The following PALLD variants were observed in gnomAD, a reference collection of about 807,000 sequenced individuals.
PALLD encodes the protein palladin, cytoskeletal associated protein.
In PALLD, 61 loss-of-function variants were observed where a neutral mutation model predicts 123.5. The ratio of observed to expected loss-of-function variants is 0.49; its 90% CI spans 0.40 to 0.61. The LOEUF is 0.61. PALLD is among the 20% of genes least tolerant of loss of function. PALLD has a pLI of 0.00. For synonymous variants in PALLD, 465 were observed against 496.4 expected (o/e 0.94, Z 0.84); for missense variants, 1,273 against 1,377.0 (o/e 0.92, Z 1.20).
At chr4:168,648,347 A>G (rs746458966) in intron 2 of PALLD, 5 of 152,180 alleles carry the variant, frequency 3.3e-5, no homozygotes, top group Admixed American at 1.3e-4. Context: ...GTAGAAATCT[A>G]TGGCATAATG....
intron 10 of PALLD, among the ~76,000 whole-genome samples, chr4:168,713,035 CTTAAG>C (rs1425882709): frequency 6.6e-6 from 1 of 152,072 alleles, no homozygotes. Flanking sequence ...AAAAGAATAC[CTTAAG>C]TTAAGAAATG....
chr4:168,704,051 C>T (rs539782926), intron 8 of PALLD, among the ~76,000 whole-genome samples: 199 of 152,122 alleles, frequency 1.3e-3, no homozygotes, highest in African/African-American at 3.7e-3. Flanking sequence ...ATCAATGGAA[C>T]AGAACAGAGC....
In PALLD at chr4:168,579,491, A is replaced by T. The variant is rs1770002201; in HGVS notation, c.908+67079A>T. On this transcript the variant is annotated intron_variant, in intron 2 of 21. Coordinates refer to ENST00000505667, the MANE Select transcript of PALLD (RefSeq NM_001166108.2). The stretch of plus-strand genomic sequence containing the variant: ...TAGCTATGCAATACAGCGCACAAAT[A>T]TGTATAAATCAACATATATCTAGTT... Among the ~76,000 whole-genome samples, 4 of 152,190 alleles carry T rather than the reference A, an allele frequency of 2.6e-5. No individual in the cohort carries two copies. The South Asian group carries it at 8.3e-4, about 32-fold the overall frequency.
intron 10 of PALLD, among the ~76,000 whole-genome samples, chr4:168,815,971 A>G (rs1431878971): frequency 2.0e-5 from 3 of 152,198 alleles, no homozygotes; most frequent in Non-Finnish European, 2.9e-5. Context: ...AGAGGATTAA[A>G]ACCTTGAAAA....
intron 10 of PALLD, among the ~76,000 whole-genome samples, chr4:168,822,936 A>G (rs936242219): frequency 1.3e-5 from 2 of 152,208 alleles, no homozygotes; most frequent in East Asian, 1.9e-4. Flanking sequence ...TAATGAAAGA[A>G]AAGTGTCAAA....
chr4:168,904,689 G>C (rs988965737), intron 15 of PALLD, among the ~76,000 whole-genome samples: 1 of 152,012 alleles, frequency 6.6e-6, no homozygotes, highest in Non-Finnish European at 1.5e-5. Flanking sequence ...AAAAAAAAAG[G>C]CATGGTAAAA....
chr4:168,707,902 A>G (rs1784377320), intron 8 of PALLD, among the ~76,000 whole-genome samples: 4 of 152,218 alleles, frequency 2.6e-5, no homozygotes, highest in Admixed American at 2.0e-4. Context: ...TTCAACTAGT[A>G]AAACTAATTA....
intron 2 of PALLD, among the ~76,000 whole-genome samples, chr4:168,521,587 C>G (rs984433930): frequency 6.6e-6 from 1 of 152,188 alleles, no homozygotes; most frequent in Non-Finnish European, 1.5e-5. Context: ...ATAAACTCCC[C>G]GCACTCTACC....
chr4:168,593,016 C>G (rs1561283320), intron 2 of PALLD, among the ~76,000 whole-genome samples: 1 of 147,556 alleles, frequency 6.8e-6, no homozygotes, highest in Non-Finnish European at 1.5e-5. Context: ...TTGCCTCTTC[C>G]TTTAAAAAAA....
intron 1 of PALLD, chr4:168,506,082 CATGTCAA>C (rs938397750): frequency 6.6e-6 from 1 of 152,250 alleles, no homozygotes; most frequent in African/African-American, 2.4e-5. Context: ...ATTTTACCTG[CATGTCAA>C]ACTGGGATCA....
rs575394683 is a variant in PALLD, at chr4:168,884,405, C to T, written c.1965-6517C>T. ...CAGGCTGGTTCTGGTCACAGGACCTCTGCACTGCCAAGCTCTCCCTGTAGG... is the reference window on the plus strand; with the variant it reads ...CAGGCTGGTTCTGGTCACAGGACCTTTGCACTGCCAAGCTCTCCCTGTAGG... On this transcript the variant is annotated intron_variant, in intron 10 of 21. Transcript: ENST00000505667. Among the ~76,000 whole-genome samples, 376 of 152,324 alleles carry T rather than the reference C, an allele frequency of 2.5e-3. 1 individual carries two copies. The highest frequency in any genetic ancestry group is 3.3e-3 in the Non-Finnish European group (225 of 68,032).
At chr4:168,831,683 G>T (rs1431662285) in intron 10 of PALLD, among the ~76,000 whole-genome samples, 1 of 152,034 alleles carries the variant, frequency 6.6e-6, no homozygotes, top group Non-Finnish European at 1.5e-5. Flanking sequence ...CTAAAACGCT[G>T]CCCTGGAGTC....
At chr4:168,761,645 G>GTTTTTTTGTTTTTTTTT (rs1732873381) in intron 10 of PALLD, among the ~76,000 whole-genome samples, 2 of 88,024 alleles carry the variant, frequency 2.3e-5, no homozygotes, top group African/African-American at 4.1e-5. Context: ...GTTGTTGTTT[G>GTTTTTTTGTTTTTTTTT]TTTTTTTTTT....
intron 21 of PALLD, 90 bp downstream of exon 21, chr4:168,925,368 A>G (rs1762376395): frequency 1.0e-6 from 1 of 977,760 alleles, no homozygotes; most frequent in African/African-American, 1.6e-5. Context: ...TTACTCAAGC[A>G]TCCTTAGGAG....
chr4:168,780,729 C>T (rs1035496358), intron 10 of PALLD, among the ~76,000 whole-genome samples: 1 of 152,100 alleles, frequency 6.6e-6, no homozygotes, highest in African/African-American at 2.4e-5. Flanking sequence ...ACTCTGTCAC[C>T]CAGGCTGGAG....
At chr4:168,585,287 A>C (rs1321973111) in intron 2 of PALLD, among the ~76,000 whole-genome samples, 2 of 135,200 alleles carry the variant, frequency 1.5e-5, no homozygotes, top group Non-Finnish European at 3.1e-5. Flanking sequence ...TGACCATGAG[A>C]ATATATGAGT....
chr4:168,814,962 G>C (rs527291588), intron 10 of PALLD, among the ~76,000 whole-genome samples: 1 of 152,046 alleles, frequency 6.6e-6, no homozygotes, highest in African/African-American at 2.4e-5. Flanking sequence ...GTAGAGACGG[G>C]GTTTCACCAT....
At chr4:168,530,518 GGTTTGTGAAA>G (rs1764506732) in intron 2 of PALLD, 1 of 152,164 alleles carries the variant, frequency 6.6e-6, no homozygotes, top group African/African-American at 2.4e-5. Context: ...CCAATTTTAT[GGTTTGTGAAA>G]GTTCAAAGCA....
chr4:168,521,620 T>C (rs554539657), intron 2 of PALLD, among the ~76,000 whole-genome samples: 104 of 152,370 alleles, frequency 6.8e-4, no homozygotes, highest in South Asian at 3.9e-3. Flanking sequence ...TTTGACTCTG[T>C]TTCCTCTCTT....
Sources: gnomAD v4.1 joint callset for allele counts (sites outside exome capture counted in the v4.1 genomes callset) on GRCh38, gnomAD v4.1.1 for gene constraint, MANE v1.5 for transcripts, NCBI Gene and HGNC (gene_info 2026-07-23, HGNC 2026-07-21) for gene names.